PTCHD4: variants seen among roughly 807,000 people sequenced by gnomAD.
PTCHD4 encodes patched domain-containing protein 4.
In PTCHD4, 33 loss-of-function variants were observed where a neutral mutation model predicts 58.1. That is an observed-to-expected ratio of 0.57 (90% CI 0.43 to 0.76). The LOEUF is 0.76. Ranked by LOEUF, PTCHD4 falls within the 30% of genes least tolerant of loss-of-function variation. The pLI is 0.00. For synonymous variants in PTCHD4, 478 were observed against 409.6 expected (o/e 1.17, Z -2.02); for missense variants, 1,058 against 1,027.1 (o/e 1.03, Z -0.41).
In PTCHD4 at chr6:47,878,902, C is replaced by A. The variant is rs755031234; in HGVS notation, c.1933G>T (p.Val645Phe). The A allele has an allele frequency of 1.2e-6, 2 of 1,613,390 alleles. No individual in the cohort carries two copies. The highest frequency in any genetic ancestry group is 2.2e-5 in the East Asian group (1 of 44,854). Residue 645 changes from valine to phenylalanine, a missense_variant, in exon 5 of 5, where the codon GTC becomes TTC. Physicochemically the swap from Val to Phe is conservative, Grantham distance 50. Transcript: ENST00000339488. ...GACAAGCTGTAATGGTCCATGAAGA[C>A]AAAGGAGGGGTTGAACACGATGAAT... ...IRFIVFNPSF[V>F]FMDHYSLSVT...
intron 4 of PTCHD4, among the ~76,000 whole-genome samples, chr6:47,937,878 CG>C (rs1313880745): frequency 3.3e-5 from 5 of 152,022 alleles, no homozygotes; most frequent in Admixed American, 3.3e-4. Flanking sequence ...TTTGGCTGGG[CG>C]GGTTGGCTCA....
intron 3 of PTCHD4, among the ~76,000 whole-genome samples, chr6:48,041,707 G>A (rs577440685): frequency 6.6e-5 from 10 of 151,964 alleles, no homozygotes; most frequent in Non-Finnish European, 1.2e-4. Context: ...CCTGTTGAGA[G>A]GGTCATGCAT....
At chr6:47,939,481 G>A (rs1010684068) in intron 4 of PTCHD4, among the ~76,000 whole-genome samples, 3 of 152,048 alleles carry the variant, frequency 2.0e-5, no homozygotes, top group Admixed American at 1.3e-4. Flanking sequence ...ACCCAGAAGC[G>A]AGTAGTGGAC....
chr6:48,104,173 AG>A, intron 1 of PTCHD4, among the ~76,000 whole-genome samples: 1 of 152,234 alleles, frequency 6.6e-6, no homozygotes, highest in Non-Finnish European at 1.5e-5. Flanking sequence ...GTTGAAGTGA[AG>A]GAAAAAATGT....
chr6:48,090,290 T>C (rs550183209), intron 1 of PTCHD4, among the ~76,000 whole-genome samples: 7 of 152,196 alleles, frequency 4.6e-5, no homozygotes, highest in Non-Finnish European at 1.0e-4. Flanking sequence ...TAGATTAACA[T>C]TTGTCATTTT....
intron 1 of PTCHD4, among the ~76,000 whole-genome samples, chr6:48,073,988 GA>G (rs1327342677): frequency 6.6e-6 from 1 of 152,016 alleles, no homozygotes; most frequent in African/African-American, 2.4e-5. Flanking sequence ...GCTATCATCT[GA>G]CCCCCTTTTG....
intron 3 of PTCHD4, among the ~76,000 whole-genome samples, chr6:48,023,789 G>T (rs1384628551): frequency 2.0e-5 from 3 of 152,058 alleles, no homozygotes; most frequent in Admixed American, 6.6e-5. Context: ...CATAGAGAAT[G>T]CTCCCAAAAC....
intron 4 of PTCHD4, among the ~76,000 whole-genome samples, chr6:47,916,346 C>G (rs550317712): frequency 4.7e-4 from 72 of 152,182 alleles, no homozygotes; most frequent in African/African-American, 1.7e-3. Context: ...AGAATCCAAG[C>G]ATTGGTACTG....
chr6:47,996,429 T>C (rs1268014679), intron 4 of PTCHD4, among the ~76,000 whole-genome samples: 3 of 74,300 alleles, frequency 4.0e-5, no homozygotes, highest in Non-Finnish European at 6.1e-5. Flanking sequence ...GAGCCAACAT[T>C]GCAGCACTGC....
chr6:48,077,384 G>A (rs1227926251), intron 1 of PTCHD4, among the ~76,000 whole-genome samples: 1 of 152,218 alleles, frequency 6.6e-6, no homozygotes, highest in Non-Finnish European at 1.5e-5. Flanking sequence ...ACATTGAAAA[G>A]TTGTTGTTTA....
Position 47,867,357 on chromosome 6 carries a change from T to C in PTCHD4, c.*10946A>G, listed in dbSNP as rs1763593937. ...CAAAGCAAGAGAGATTATAAATTTA[T>C]GTGATATTGCTCAGTTTTGGGATCC... On this transcript the variant is annotated 3_prime_UTR_variant, in exon 5 of 5. Transcript: ENST00000339488. Among the ~76,000 whole-genome samples, 1 of 151,814 alleles carries C rather than the reference T, an allele frequency of 6.6e-6. No individual in the cohort carries two copies. The highest frequency in any genetic ancestry group is 1.5e-5 in the Non-Finnish European group (1 of 67,856).
chr6:47,893,298 A>G (rs1174827972), intron 4 of PTCHD4, among the ~76,000 whole-genome samples: 1 of 151,612 alleles, frequency 6.6e-6, no homozygotes, highest in Admixed American at 6.6e-5. Context: ...CGCGAGCCAC[A>G]ACGACCAGGT....
intron 4 of PTCHD4, among the ~76,000 whole-genome samples, chr6:47,952,918 G>A (rs1219554414): frequency 3.3e-5 from 5 of 150,726 alleles, no homozygotes; most frequent in Non-Finnish European, 7.4e-5. Context: ...TACACATAGA[G>A]TAGAAAATAT....
chr6:47,994,325 C>A (rs1768396733), intron 4 of PTCHD4, among the ~76,000 whole-genome samples: 3 of 152,134 alleles, frequency 2.0e-5, no homozygotes. Flanking sequence ...CATAGTGGGT[C>A]AATATGACAG....
chr6:48,093,225 C>T (rs972749381), intron 1 of PTCHD4, among the ~76,000 whole-genome samples: 1 of 152,124 alleles, frequency 6.6e-6, no homozygotes, highest in African/African-American at 2.4e-5. Context: ...ATAAAAGGAA[C>T]TTCAGAGATC....
At chr6:48,034,097 CT>C (rs1763546417) in intron 3 of PTCHD4, among the ~76,000 whole-genome samples, 1 of 151,986 alleles carries the variant, frequency 6.6e-6, no homozygotes. Context: ...ATAAGGATCC[CT>C]TAAAGAATTA....
chr6:48,088,660 T>C (rs142690722), intron 1 of PTCHD4, among the ~76,000 whole-genome samples: 1,594 of 152,286 alleles, frequency 0.01, 11 homozygotes, highest in Non-Finnish European at 0.018. Flanking sequence ...GCTGTGGTTT[T>C]AGTGCAGTGA....
At chr6:48,050,488 T>C (rs1764192445) in intron 3 of PTCHD4, among the ~76,000 whole-genome samples, 1 of 152,028 alleles carries the variant, frequency 6.6e-6, no homozygotes, top group Admixed American at 6.6e-5. Flanking sequence ...GGTGCTACAG[T>C]AGGAATACTG....
chr6:48,102,159 G>A (rs1765617657), intron 1 of PTCHD4, among the ~76,000 whole-genome samples: 1 of 152,180 alleles, frequency 6.6e-6, no homozygotes, highest in South Asian at 2.1e-4. Flanking sequence ...GTGGAGCTGG[G>A]ATGTAGCAAA....
Sources: gnomAD v4.1 joint callset for allele counts (sites outside exome capture counted in the v4.1 genomes callset) on GRCh38, gnomAD v4.1.1 for gene constraint, MANE v1.5 for transcripts, NCBI Gene and HGNC (gene_info 2026-07-23, HGNC 2026-07-21) for gene names.